CHRNA3: variants seen among roughly 807,000 people sequenced by gnomAD.
The protein encoded by CHRNA3 is cholinergic receptor nicotinic alpha 3 subunit.
Under a neutral mutation model 41.9 loss-of-function variants are expected in CHRNA3, and 34 were observed. The observed-to-expected ratio is 0.81, with a 90% CI of 0.62 to 1.08. The LOEUF (loss-of-function observed/expected upper bound fraction) is 1.08. Ranked by LOEUF, CHRNA3 falls within the 50% of genes least tolerant of loss-of-function variation. The probability of loss-of-function intolerance (pLI) is 0.00; values close to 1 mark genes in which losing one functional copy is unlikely to be tolerated. For synonymous variants in CHRNA3, 281 were observed against 265.2 expected, an observed-to-expected ratio of 1.06 and a Z score of -0.58; for missense variants, 542 against 638.3, an observed-to-expected ratio of 0.85 and a Z score of 1.63.
At chr15:78,611,675 C>T (rs2053381939) in intron 4 of CHRNA3, among the ~76,000 whole-genome samples, 1 of 151,622 alleles carries the variant, frequency 6.6e-6, no homozygotes, top group Non-Finnish European at 1.5e-5. Flanking sequence ...CAGGGATGCC[C>T]TCTCTCACCA....
intron 5 of CHRNA3, among the ~76,000 whole-genome samples, chr15:78,597,516 T>G (rs1167903639): frequency 2.0e-5 from 3 of 152,148 alleles, no homozygotes; most frequent in African/African-American, 7.2e-5. Context: ...CATCACTCTT[T>G]CCCTCCCCAC....
In CHRNA3 at chr15:78,596,180, G is replaced by GAATT. The variant is rs71528568; in HGVS notation, c.*420_*423dup. ...AAATGGGTAACGATGGGGGATTGCTGAATTAGTATAAACCTTCAAAGAGAT... is the reference window on the plus strand; with the variant it reads ...AAATGGGTAACGATGGGGGATTGCTGAATTAATTAGTATAAACCTTCAAAGAGAT... On this transcript the variant is annotated 3_prime_UTR_variant, in exon 6 of 6. Transcript: ENST00000326828. The GAATT allele has an allele frequency of 2.9e-3, 2,860 of 985,812 alleles. 252 individuals are homozygous for GAATT. In the East Asian group the frequency reaches 0.24, roughly 83 times the overall value. 61.1% of individuals were successfully genotyped at this position (985,812 alleles called of 1,614,324 possible).
At chr15:78,608,728 G>A (rs919937726) in intron 4 of CHRNA3, among the ~76,000 whole-genome samples, 12 of 151,356 alleles carry the variant, frequency 7.9e-5, no homozygotes, top group East Asian at 5.8e-4. Flanking sequence ...AAAGCTGGAC[G>A]GAGAATGACT....
Position 78,620,785 on chromosome 15 carries a change from C to T in CHRNA3, c.10G>A (p.Gly4Ser). Residue 4 changes from glycine to serine, a missense_variant, in exon 1 of 6, where the codon GGC becomes AGC. Physicochemically the swap from Gly to Ser is moderately conservative, Grantham distance 56 (BLOSUM62 0). Transcript: ENST00000326828. MGS[G>S]PLSLPLALSP... ...AGCGCCAGGGGCAGCGAGAGCGGGC[C>T]AGAGCCCATGGCTGGTGGCCGGGCT... The T allele has an allele frequency of 6.8e-7, 1 of 1,476,804 alleles. No homozygotes were observed. Among genetic ancestry groups the T allele is most frequent in the Non-Finnish European group, 8.9e-7 (1 of 1,121,512 alleles). The allele number at this position is 1,476,804 out of a possible 1,614,324, so 91.5% of individuals were successfully genotyped here. A position where few individuals can be genotyped will look rare whatever the true frequency, so the allele number is the denominator to read the frequency against.
rs138183042 is a variant in CHRNA3 at position 78,607,712 on chromosome 15, A to C, written c.378-5448T>G. On this transcript the variant is annotated intron_variant, in intron 4 of 5. Coordinates refer to ENST00000326828, the MANE Select transcript of CHRNA3 (RefSeq NM_000743.5). ...GGTTCATCTCACTAGGGAGTGCCAG[A>C]CAGTGGGTGCAGGATAGTGGGTGCA... Among the ~76,000 whole-genome samples the C allele has an allele frequency of 9.4e-3, 1,426 of 152,342 alleles. 145 individuals carry two copies. The East Asian group carries it at 0.25, about 26-fold the overall frequency.
chr15:78,609,149 A>T (rs994967430), intron 4 of CHRNA3, among the ~76,000 whole-genome samples: 1 of 152,292 alleles, frequency 6.6e-6, no homozygotes, highest in East Asian at 1.9e-4. Flanking sequence ...GTTGGAAAAC[A>T]CTCTGCAGGA....
intron 5 of CHRNA3, among the ~76,000 whole-genome samples, chr15:78,600,917 T>G (rs2053187495): frequency 6.6e-6 from 1 of 152,128 alleles, no homozygotes; most frequent in Non-Finnish European, 1.5e-5. Flanking sequence ...CAATACTAAC[T>G]GGAGATCATC....
At chr15:78,615,026 G>A (rs1291528844) in intron 4 of CHRNA3, among the ~76,000 whole-genome samples, 2 of 152,120 alleles carry the variant, frequency 1.3e-5, no homozygotes, top group Admixed American at 1.3e-4. Flanking sequence ...GACTGGAAGT[G>A]GCCCACTGTG....
At chr15:78,608,508 G>GCA (rs1017828109) in intron 4 of CHRNA3, among the ~76,000 whole-genome samples, 4 of 152,212 alleles carry the variant, frequency 2.6e-5, no homozygotes, top group Non-Finnish European at 5.9e-5. Context: ...CAACAGACCT[G>GCA]CAGCTGAGGG....
chr15:78,608,996 A>C (rs1267932296), intron 4 of CHRNA3, among the ~76,000 whole-genome samples: 1 of 152,242 alleles, frequency 6.6e-6, no homozygotes, highest in Admixed American at 6.5e-5. Context: ...TGGAAGATGA[A>C]ATGAATGAAA....
intron 5 of CHRNA3, chr15:78,600,103 A>G (rs2053174824): frequency 6.6e-6 from 1 of 151,966 alleles, no homozygotes; most frequent in African/African-American, 2.4e-5. Context: ...TTAATTAAAG[A>G]AAGGACTTCA....
intron 4 of CHRNA3, among the ~76,000 whole-genome samples, chr15:78,610,656 A>G (rs1894490717): frequency 6.6e-6 from 1 of 151,686 alleles, no homozygotes; most frequent in South Asian, 2.1e-4. Flanking sequence ...TAACATCACA[A>G]TTAAAAGAAC....
At chr15:78,606,958 TG>T in intron 4 of CHRNA3, among the ~76,000 whole-genome samples, 1 of 152,108 alleles carries the variant, frequency 6.6e-6, no homozygotes, top group East Asian at 1.9e-4. Context: ...CTGGGTGTGA[TG>T]GCTCACACCT....
chr15:78,619,198 C>T (rs949554525), intron 1 of CHRNA3: 2 of 493,410 alleles, frequency 4.1e-6, no homozygotes, highest in Non-Finnish European at 7.3e-6. Flanking sequence ...TGACAAATCA[C>T]TTGTAAGCTG....
chr15:78,600,521 C>T (rs2053180923), intron 5 of CHRNA3, among the ~76,000 whole-genome samples: 1 of 152,060 alleles, frequency 6.6e-6, no homozygotes, highest in Non-Finnish European at 1.5e-5. Flanking sequence ...TTGAGATGTA[C>T]ACTGAAGAGG....
At chr15:78,594,862 C>T (rs1395339722), downstream of CHRNA3, 1 of 152,130 alleles carries the variant, frequency 6.6e-6, no homozygotes, top group Non-Finnish European at 1.5e-5. Flanking sequence ...CAATCTTAGC[C>T]TATTACTAGT....
At chr15:78,597,836 CTT>C (rs1383108115) in intron 5 of CHRNA3, among the ~76,000 whole-genome samples, 1 of 152,112 alleles carries the variant, frequency 6.6e-6, no homozygotes, top group Non-Finnish European at 1.5e-5. Flanking sequence ...CATGCTGCCT[CTT>C]TATTATAAGT....
At chr15:78,605,267 A>G (rs917589312) in intron 4 of CHRNA3, among the ~76,000 whole-genome samples, 1 of 152,168 alleles carries the variant, frequency 6.6e-6, no homozygotes, top group African/African-American at 2.4e-5. Flanking sequence ...TCAGAAAAAT[A>G]GGGCAACTAG....
At chr15:78,602,367 C>T (rs1567078147) in intron 4 of CHRNA3, 103 bp from the exon 5 acceptor site, 2 of 1,294,858 alleles carry the variant, frequency 1.5e-6, no homozygotes, top group Non-Finnish European at 2.1e-6. Flanking sequence ...ATTTGGAAGG[C>T]ACTGGAAGAT....
Sources: gnomAD v4.1 joint callset for allele counts (sites outside exome capture counted in the v4.1 genomes callset) on GRCh38, gnomAD v4.1.1 for gene constraint, MANE v1.5 for transcripts, NCBI Gene and HGNC (gene_info 2026-07-23, HGNC 2026-07-21) for gene names.